Variants in ERC2 observed in about 807,000 individuals in gnomAD.
The protein encoded by ERC2 is ERC protein 2.
Under a neutral mutation model 114.8 loss-of-function variants are expected in ERC2, and 42 were observed. The ratio of observed to expected loss-of-function variants is 0.37; its 90% confidence interval spans 0.29 to 0.47. ERC2 has a LOEUF of 0.47. Ranked by LOEUF, ERC2 falls within the 20% of genes least tolerant of loss-of-function variation. The pLI is 0.99. For missense variants in ERC2, 939 were observed against 1,150.7 expected, an observed-to-expected ratio of 0.82 and a Z score of 2.66; for synonymous variants, 454 against 425.5, an observed-to-expected ratio of 1.07 and a Z score of -0.82.
rs114063656 is a variant in ERC2, at chr3:56,203,614, A to G, written c.1075-30094T>C. Among the ~76,000 whole-genome samples, 980 of 152,330 alleles carry G rather than the reference A, an allele frequency of 6.4e-3. 10 individuals carry two copies. Among genetic ancestry groups the G allele is most frequent in the African/African-American group, 0.022 (924 of 41,580 alleles). ...CCTATCTAAATTGTGTTTATGACAT[A>G]TCAGGGATTGAGTATCCCCTGAATC... On this transcript the variant is annotated intron_variant, in intron 3 of 17. Coordinates refer to ENST00000288221, the MANE Select transcript of ERC2 (RefSeq NM_015576.3).
At chr3:55,544,383 T>C (rs939690102) in intron 17 of ERC2, among the ~76,000 whole-genome samples, 5 of 152,118 alleles carry the variant, frequency 3.3e-5, no homozygotes, top group African/African-American at 1.2e-4. Flanking sequence ...GATGTGCCAT[T>C]TGGCCTCCAT....
intron 4 of ERC2, among the ~76,000 whole-genome samples, chr3:56,164,067 T>G (rs2082196041): frequency 6.6e-6 from 1 of 151,986 alleles, no homozygotes; most frequent in African/African-American, 2.4e-5. Context: ...TAAGCAAAGT[T>G]ATTAATCATT....
intron 6 of ERC2, among the ~76,000 whole-genome samples, chr3:56,096,571 G>A (rs892089634): frequency 3.3e-5 from 5 of 152,294 alleles, no homozygotes; most frequent in Non-Finnish European, 7.4e-5. Context: ...GACATATATA[G>A]ATAGATATTT....
intron 8 of ERC2, among the ~76,000 whole-genome samples, 181 bp from the exon 9 acceptor site, chr3:56,010,770 C>A (rs1161847254): frequency 6.6e-6 from 1 of 152,168 alleles, no homozygotes; most frequent in Admixed American, 6.5e-5. Flanking sequence ...GGAAGGACAA[C>A]CAATAACAGC....
intron 14 of ERC2, among the ~76,000 whole-genome samples, chr3:55,821,655 T>C (rs969880216): frequency 1.8e-4 from 28 of 152,354 alleles, no homozygotes; most frequent in African/African-American, 6.7e-4. Flanking sequence ...CAAGAGCTGA[T>C]GTAGCATGCA....
At chr3:56,236,601 A>G (rs1362792149) in intron 3 of ERC2, among the ~76,000 whole-genome samples, 1 of 152,170 alleles carries the variant, frequency 6.6e-6, no homozygotes, top group Non-Finnish European at 1.5e-5. Context: ...CTGAAGGCCA[A>G]GGTTTTGCTA....
chr3:55,866,091 G>A (rs1256310376), intron 14 of ERC2, among the ~76,000 whole-genome samples: 1 of 152,108 alleles, frequency 6.6e-6, no homozygotes. Context: ...GAGGTTTACA[G>A]TTTCTCCACA....
At chr3:56,234,314 A>G (rs985112302) in intron 3 of ERC2, among the ~76,000 whole-genome samples, 1 of 152,224 alleles carries the variant, frequency 6.6e-6, no homozygotes, top group Non-Finnish European at 1.5e-5. Flanking sequence ...TAGCCAAAAA[A>G]TGGAATGTAG....
intron 4 of ERC2, among the ~76,000 whole-genome samples, chr3:56,161,215 A>T (rs893682084): frequency 6.6e-6 from 1 of 152,072 alleles, no homozygotes; most frequent in African/African-American, 2.4e-5. Flanking sequence ...TGTGACTGTA[A>T]GCTTCCTGAG....
chr3:56,268,411 A>T (rs982515518), intron 3 of ERC2, among the ~76,000 whole-genome samples: 1 of 152,350 alleles, frequency 6.6e-6, no homozygotes, highest in African/African-American at 2.4e-5. Context: ...TGTGTATCAA[A>T]ACATCATGTT....
intron 3 of ERC2, among the ~76,000 whole-genome samples, chr3:56,205,026 C>T (rs978190862): frequency 1.3e-5 from 2 of 151,834 alleles, no homozygotes; most frequent in African/African-American, 4.8e-5. Flanking sequence ...TTCAAAAGTA[C>T]TTTCACATAA....
chr3:55,716,977 C>T (rs1040496656), intron 15 of ERC2, among the ~76,000 whole-genome samples: 2 of 152,126 alleles, frequency 1.3e-5, no homozygotes, highest in Non-Finnish European at 2.9e-5. Context: ...GCTGATCTGT[C>T]AACCAGATCT....
intron 17 of ERC2, among the ~76,000 whole-genome samples, chr3:55,600,544 T>C (rs1409601683): frequency 1.3e-5 from 2 of 152,212 alleles, no homozygotes; most frequent in Non-Finnish European, 2.9e-5. Context: ...GTTGATTTAT[T>C]TGGATTTTCA....
intron 1 of ERC2, among the ~76,000 whole-genome samples, chr3:56,466,560 A>T (rs1441418571): frequency 6.6e-6 from 1 of 152,208 alleles, no homozygotes; most frequent in East Asian, 1.9e-4. Flanking sequence ...TACATGAGAA[A>T]AAGGCAAACT....
intron 17 of ERC2, among the ~76,000 whole-genome samples, chr3:55,650,440 ACAT>A (rs762566598): frequency 6.6e-5 from 10 of 152,220 alleles, no homozygotes; most frequent in South Asian, 2.1e-4. Flanking sequence ...TCACCTTCTC[ACAT>A]CAGCCCTTCA....
At chr3:56,144,105 C>A (rs1315113199) in intron 5 of ERC2, among the ~76,000 whole-genome samples, 2 of 152,180 alleles carry the variant, frequency 1.3e-5, no homozygotes, top group African/African-American at 4.8e-5. Context: ...TAAATATTCA[C>A]TGGGAAAGAA....
intron 7 of ERC2, among the ~76,000 whole-genome samples, chr3:56,029,016 G>C (rs566498019): frequency 2.6e-5 from 4 of 152,028 alleles, no homozygotes; most frequent in African/African-American, 9.6e-5. Flanking sequence ...TTATGAATGG[G>C]TATTGAATTG....
chr3:56,437,026 TC>T (rs2062052667), intron 1 of ERC2, among the ~76,000 whole-genome samples: 2 of 152,258 alleles, frequency 1.3e-5, no homozygotes, highest in Non-Finnish European at 2.9e-5. Flanking sequence ...AATCCTTTAC[TC>T]CTTTTTTTAT....
intron 10 of ERC2, among the ~76,000 whole-genome samples, chr3:55,999,212 C>T (rs2149542315): frequency 6.6e-6 from 1 of 152,178 alleles, no homozygotes; most frequent in South Asian, 2.1e-4. Context: ...ATAACCTGCA[C>T]AGTGTTATAA....
Sources: gnomAD v4.1 joint callset for allele counts (sites outside exome capture counted in the v4.1 genomes callset) on GRCh38, gnomAD v4.1.1 for gene constraint, MANE v1.5 for transcripts, NCBI Gene and HGNC (gene_info 2026-07-23, HGNC 2026-07-21) for gene names.